Variants in SLC2A13 observed in about 807,000 individuals in gnomAD.
SLC2A13 encodes the protein solute carrier family 2 member 13.
A neutral mutation model predicts 64.4 loss-of-function variants in SLC2A13; 32 were observed. The observed-to-expected ratio is 0.50, with a 90% CI of 0.37 to 0.67. The LOEUF is 0.67. SLC2A13 is among the 30% of genes least tolerant of loss of function. The pLI, the probability that SLC2A13 is intolerant of heterozygous loss-of-function variation, is 0.00. For missense variants in SLC2A13, 743 were observed against 829.2 expected (o/e 0.90, Z 1.28); for synonymous variants, 338 against 327.1 (o/e 1.03, Z -0.36).
At chr12:39,883,034 T>C (rs902113497) in intron 4 of SLC2A13, among the ~76,000 whole-genome samples, 6 of 152,210 alleles carry the variant, frequency 3.9e-5, no homozygotes, top group Non-Finnish European at 8.8e-5. Context: ...CATATGGCTT[T>C]CCACCTCTTT....
At chr12:39,855,134 A>G (rs1943573984) in intron 6 of SLC2A13, among the ~76,000 whole-genome samples, 1 of 152,198 alleles carries the variant, frequency 6.6e-6, no homozygotes, top group African/African-American at 2.4e-5. Flanking sequence ...TACATTCACT[A>G]TGGTGTTGAA....
intron 3 of SLC2A13, among the ~76,000 whole-genome samples, chr12:40,002,666 G>A (rs980399331): frequency 6.6e-6 from 1 of 152,154 alleles, no homozygotes; most frequent in African/African-American, 2.4e-5. Flanking sequence ...TTGAGACTCT[G>A]AGAATAATAT....
chr12:40,086,127 G>A (rs1331104661), intron 1 of SLC2A13, among the ~76,000 whole-genome samples: 2 of 152,142 alleles, frequency 1.3e-5, no homozygotes, highest in African/African-American at 2.4e-5. Flanking sequence ...GTGAGCCATC[G>A]TGCCTGGCCC....
At chr12:39,850,995 G>A (rs560321360) in intron 6 of SLC2A13, among the ~76,000 whole-genome samples, 1 of 151,992 alleles carries the variant, frequency 6.6e-6, no homozygotes, top group African/African-American at 2.4e-5. Flanking sequence ...TACCTCCTGG[G>A]TTCAAGCAAT....
chr12:39,795,954 T>C (rs868799192), intron 7 of SLC2A13, among the ~76,000 whole-genome samples: 1 of 152,054 alleles, frequency 6.6e-6, no homozygotes, highest in African/African-American at 2.4e-5. Flanking sequence ...ATTCACAGAG[T>C]TGTGTAGCCA....
At chr12:39,923,486 CA>C (rs1945652311) in intron 4 of SLC2A13, among the ~76,000 whole-genome samples, 1 of 151,744 alleles carries the variant, frequency 6.6e-6, no homozygotes, top group Non-Finnish European at 1.5e-5. Flanking sequence ...TACAAGTCAC[CA>C]AAGGCTAGGT....
intron 7 of SLC2A13, among the ~76,000 whole-genome samples, chr12:39,795,338 T>C: frequency 6.6e-6 from 1 of 152,176 alleles, no homozygotes; most frequent in East Asian, 1.9e-4. Flanking sequence ...AAACTTAATT[T>C]ATCATATATT....
intron 3 of SLC2A13, among the ~76,000 whole-genome samples, chr12:39,980,990 C>G (rs1203186538): frequency 6.6e-6 from 1 of 151,748 alleles, no homozygotes; most frequent in Non-Finnish European, 1.5e-5. Context: ...GACCACAGTG[C>G]AATCAAACTA....
At chr12:39,833,970 C>T (rs1200998115) in intron 6 of SLC2A13, among the ~76,000 whole-genome samples, 1 of 151,608 alleles carries the variant, frequency 6.6e-6, no homozygotes, top group Non-Finnish European at 1.5e-5. Flanking sequence ...TATAGGGTTC[C>T]TTCTCTATAT....
chr12:39,811,382 A>C (rs1357261940), intron 7 of SLC2A13, among the ~76,000 whole-genome samples: 1 of 151,910 alleles, frequency 6.6e-6, no homozygotes, highest in Non-Finnish European at 1.5e-5. Context: ...TTTTAGCTTC[A>C]TAATTGTAAG....
intron 6 of SLC2A13, among the ~76,000 whole-genome samples, chr12:39,831,108 A>C (rs1942839771): frequency 1.3e-5 from 2 of 152,184 alleles, no homozygotes; most frequent in Admixed American, 6.6e-5. Flanking sequence ...AGCACATGCA[A>C]GGTATCAGAG....
chr12:39,882,992 G>A (rs73104985), intron 4 of SLC2A13, among the ~76,000 whole-genome samples: 10,724 of 151,972 alleles, frequency 0.071, 800 homozygotes, highest in African/African-American at 0.19. Flanking sequence ...TTTTTTAGGC[G>A]CTTAGTGTTT....
At chr12:39,970,267 T>C (rs944732335) in intron 3 of SLC2A13, among the ~76,000 whole-genome samples, 1 of 152,218 alleles carries the variant, frequency 6.6e-6, no homozygotes, top group Non-Finnish European at 1.5e-5. Context: ...GGCTTAGGAT[T>C]GACTTGGCAA....
At chr12:39,814,501 T>C (rs1349528664) in intron 7 of SLC2A13, among the ~76,000 whole-genome samples, 1 of 152,172 alleles carries the variant, frequency 6.6e-6, no homozygotes, top group Non-Finnish European at 1.5e-5. Context: ...ACTGTTATAA[T>C]TGTATACAAT....
chr12:39,984,000 TA>T (rs1171991381), intron 3 of SLC2A13, among the ~76,000 whole-genome samples: 2 of 151,426 alleles, frequency 1.3e-5, no homozygotes, highest in Non-Finnish European at 3.0e-5. Flanking sequence ...TATGCAGCCA[TA>T]AAAAAGGATG....
chr12:39,896,519 T>TGTACATGTTTGTAA (rs1944907198), intron 4 of SLC2A13, among the ~76,000 whole-genome samples: 1 of 139,964 alleles, frequency 7.1e-6, no homozygotes, highest in Non-Finnish European at 1.6e-5. Context: ...CATGTGTGTA[T>TGTACATGTTTGTAA]ACATGTATAC....
At chr12:39,962,104 G>A (rs944517859) in intron 3 of SLC2A13, among the ~76,000 whole-genome samples, 3 of 151,970 alleles carry the variant, frequency 2.0e-5, no homozygotes, top group African/African-American at 7.3e-5. Context: ...AACCACCTTC[G>A]CATTCCTGAG....
intron 7 of SLC2A13, among the ~76,000 whole-genome samples, chr12:39,808,520 A>C (rs1942048062): frequency 6.6e-6 from 1 of 152,142 alleles, no homozygotes; most frequent in African/African-American, 2.4e-5. Flanking sequence ...AGAAACCTCC[A>C]AACTGATTTC....
At chr12:39,928,188 T>C (rs1425431130) in intron 4 of SLC2A13, among the ~76,000 whole-genome samples, 1 of 152,158 alleles carries the variant, frequency 6.6e-6, no homozygotes, top group Non-Finnish European at 1.5e-5. Context: ...ACACATCCCA[T>C]ACTCTTGAAA....
Sources: gnomAD v4.1 joint callset for allele counts (sites outside exome capture counted in the v4.1 genomes callset) on GRCh38, gnomAD v4.1.1 for gene constraint, MANE v1.5 for transcripts, NCBI Gene and HGNC (gene_info 2026-07-23, HGNC 2026-07-21) for gene names.